ZNF560: variants seen among roughly 807,000 people sequenced by gnomAD.
ZNF560 encodes the protein zinc finger protein 560.
A neutral mutation model predicts 81.8 loss-of-function variants in ZNF560; 54 were observed. That is an observed-to-expected ratio of 0.66 (90% CI 0.53 to 0.83). The LOEUF is 0.83. Among genes scored for constraint, ZNF560 ranks in the 40% least tolerant of loss-of-function variants. ZNF560 has a pLI of 0.00. For missense variants in ZNF560, 940 were observed against 932.4 expected (o/e 1.01, Z -0.11); for synonymous variants, 321 against 317.9 (o/e 1.01, Z -0.10).
chr19:9,470,508 G>T lies in ZNF560; in HGVS notation c.332C>A (p.Thr111Asn). ...GAACTCCACAGCCACACTGTCAAAG[G>T]TTACCAGGTCCTAAACCATCAGACA... ...TSNGIQMDLV[T>N]FDSVAVEFTQ... The change falls in exon 7 of 10, where the codon ACC (threonine) becomes AAC (asparagine). Residue 111 changes from threonine to asparagine, a missense_variant. Physicochemically the swap from Thr to Asn is moderately conservative, Grantham distance 65 (BLOSUM62 0). Coordinates refer to ENST00000301480, the MANE Select transcript of ZNF560 (RefSeq NM_152476.3). 6.2e-7 allele frequency: 1 copy of T among 1,614,088 alleles called. No individual in the cohort carries two copies. The highest frequency in any genetic ancestry group is 8.5e-7 in the Non-Finnish European group (1 of 1,180,020).
Position 9,467,099 on chromosome 19 carries a change from A to G in ZNF560, c.1848T>C (p.Thr616=), listed in dbSNP as rs757224881. ...CTCCAGTGTGTCTTCGTAAATGTTT[A>G]GTAAGATCTGAGCGTTCTGTGAAGG... ...GKAFTERSDL[T]KHLRRHTGDK... Residue 616 remains threonine, a synonymous_variant, in exon 10 of 10, where the codon ACT becomes ACC. Transcript: ENST00000301480. 2.5e-6 allele frequency: 4 copies of G among 1,613,998 alleles called. No individual in the cohort carries two copies. Among genetic ancestry groups the G allele is most frequent in the Non-Finnish European group, 3.4e-6 (4 of 1,180,016 alleles).
chr19:9,478,376 C>T (rs753805664), intron 2 of ZNF560, among the ~76,000 whole-genome samples: 56 of 152,174 alleles, frequency 3.7e-4, no homozygotes, highest in Middle Eastern at 3.4e-3. Context: ...GGTAGTTCAT[C>T]GACACCAGAC....
At chr19:9,496,885 G>A (rs573986638) in intron 2 of ZNF560, among the ~76,000 whole-genome samples, 92 of 151,728 alleles carry the variant, frequency 6.1e-4, no homozygotes, top group Non-Finnish European at 1.1e-3. Context: ...GCAGTAAGTC[G>A]AGATCACACC....
intron 9 of ZNF560, 42 bp downstream of exon 9, chr19:9,469,063 C>G: frequency 6.8e-7 from 1 of 1,467,742 alleles, no homozygotes; most frequent in East Asian, 2.4e-5. Context: ...TACCAGTCTT[C>G]TCTGAATGTG....
At chr19:9,503,903 A>G in the ZNF560 span, among the ~76,000 whole-genome samples, 1 of 152,224 alleles carries the variant, frequency 6.6e-6, no homozygotes, top group Non-Finnish European at 1.5e-5. Context: ...ATTATAATTT[A>G]TGAATATAAT....
In ZNF560 at chr19:9,489,995, T is replaced by C. The variant is rs143160587; in HGVS notation, c.-57+8133A>G. ...CTAATGGACCATGGCATGATTCTAATAGCTAAACTGGTTGGATGATTGAAA... is the reference window on the plus strand; with the variant it reads ...CTAATGGACCATGGCATGATTCTAACAGCTAAACTGGTTGGATGATTGAAA... On this transcript the variant is annotated intron_variant, in intron 2 of 9. Coordinates refer to ENST00000301480, the MANE Select transcript of ZNF560 (RefSeq NM_152476.3). Among the ~76,000 whole-genome samples, 8 of 152,346 alleles carry C rather than the reference T, an allele frequency of 5.3e-5. No homozygotes were observed. The South Asian group carries it at 6.2e-4, about 12-fold the overall frequency.
the ZNF560 span, among the ~76,000 whole-genome samples, chr19:9,504,469 G>A: frequency 6.6e-6 from 1 of 152,042 alleles, no homozygotes; most frequent in Admixed American, 6.6e-5. Context: ...TAAATTTCCT[G>A]AGACTCATTC....
the ZNF560 span, among the ~76,000 whole-genome samples, chr19:9,454,612 G>A: frequency 1.3e-5 from 2 of 152,348 alleles, no homozygotes; most frequent in South Asian, 4.1e-4. Flanking sequence ...AAAAGGAGGA[G>A]TGAAAGTTAG....
At chr19:9,448,360 T>C in the ZNF560 span, among the ~76,000 whole-genome samples, 3 of 148,870 alleles carry the variant, frequency 2.0e-5, no homozygotes, top group Non-Finnish European at 3.0e-5. Flanking sequence ...GCCTCCGGAG[T>C]AGCTGGGATT....
At chr19:9,452,511 C>T in the ZNF560 span, among the ~76,000 whole-genome samples, 2 of 152,160 alleles carry the variant, frequency 1.3e-5, no homozygotes, top group Non-Finnish European at 2.9e-5. Context: ...AAATGCCAAT[C>T]AACAGTGGAA....
At chr19:9,468,686 AT>A (rs1026711224) in intron 9 of ZNF560, among the ~76,000 whole-genome samples, 3 of 150,818 alleles carry the variant, frequency 2.0e-5, no homozygotes, top group African/African-American at 7.3e-5. Flanking sequence ...AATTGGGTGA[AT>A]GCCACTTCTC....
At chr19:9,452,676 C>G in the ZNF560 span, among the ~76,000 whole-genome samples, 2 of 152,162 alleles carry the variant, frequency 1.3e-5, no homozygotes, top group Admixed American at 6.5e-5. Context: ...TACATGTTCT[C>G]ATTTGTGAGA....
the ZNF560 span, among the ~76,000 whole-genome samples, chr19:9,455,911 C>T: frequency 1.2e-4 from 18 of 151,988 alleles, no homozygotes; most frequent in East Asian, 1.7e-3. Context: ...CATGGGCATA[C>T]GAGAGAGAAT....
At chr19:9,489,293 G>A (rs1438970081) in intron 2 of ZNF560, among the ~76,000 whole-genome samples, 5 of 150,692 alleles carry the variant, frequency 3.3e-5, no homozygotes, top group African/African-American at 9.8e-5. Context: ...TGCGGCGGCC[G>A]GTTAGAGGCA....
At chr19:9,469,581 C>T (rs763141019) in intron 8 of ZNF560, 49 bp downstream of exon 8, 56 of 1,543,992 alleles carry the variant, frequency 3.6e-5, no homozygotes, top group African/African-American at 6.8e-5. Flanking sequence ...TGCTTCCAAA[C>T]GTACTGAGAA....
chr19:9,457,590 G>A, the ZNF560 span, among the ~76,000 whole-genome samples: 10 of 152,192 alleles, frequency 6.6e-5, no homozygotes, highest in African/African-American at 1.9e-4. Context: ...CCAATGTTAC[G>A]GTCACTTGGA....
intron 2 of ZNF560, among the ~76,000 whole-genome samples, chr19:9,495,084 A>C (rs907397615): frequency 1.1e-4 from 17 of 152,168 alleles, no homozygotes; most frequent in Non-Finnish European, 2.4e-4. Flanking sequence ...AGGTTGGAGC[A>C]AGCCGAGGTT....
chr19:9,470,593 G>A (rs1353029440), intron 6 of ZNF560, 75 bp from the exon 7 acceptor site: 2 of 1,608,894 alleles, frequency 1.2e-6, no homozygotes, highest in African/African-American at 1.3e-5. Context: ...GAGGAAGGGG[G>A]ACCCAATCCC....
chr19:9,503,031 T>C (rs1012531597), upstream of ZNF560, among the ~76,000 whole-genome samples: 1 of 152,130 alleles, frequency 6.6e-6, no homozygotes, highest in African/African-American at 2.4e-5. Context: ...CCTCAAGATA[T>C]AAAATTATTT....
Sources: allele counts gnomAD v4.1 joint callset (sites outside exome capture counted in the v4.1 genomes callset), GRCh38; gene constraint gnomAD v4.1.1; transcripts MANE v1.5; gene names NCBI Gene and HGNC (gene_info 2026-07-23, HGNC 2026-07-21).